Variants in DACH2 observed in about 807,000 individuals in gnomAD.
DACH2 encodes the protein dachshund family transcription factor 2.
Under a neutral mutation model 35.8 loss-of-function variants are expected in DACH2, and 17 were observed. The observed-to-expected ratio is 0.48, with a 90% confidence interval of 0.33 to 0.71. The LOEUF is 0.71. DACH2 is among the 30% of genes least tolerant of loss of function. DACH2 has a pLI of 0.02. For synonymous variants in DACH2, 195 were observed against 177.3 expected (o/e 1.10, Z -0.79); for missense variants, 469 against 472.7 (o/e 0.99, Z 0.07).
chrX:86,810,793 G>A (rs1037253899), intron 7 of DACH2, among the ~76,000 whole-genome samples: 7 of 110,823 alleles, frequency 6.3e-5, no homozygotes, highest in Non-Finnish European at 1.3e-4. Flanking sequence ...CAGAATTTGT[G>A]ATAATGTGCT....
At chrX:86,336,586 A>T (rs919589207) in intron 1 of DACH2, among the ~76,000 whole-genome samples, 1 of 111,725 alleles carries the variant, frequency 9.0e-6, no homozygotes, top group African/African-American at 3.3e-5. Flanking sequence ...CACATCAAAG[A>T]CCAAATGTAG....
intron 11 of DACH2, among the ~76,000 whole-genome samples, chrX:86,826,822 A>G (rs1480393736): frequency 8.9e-6 from 1 of 112,507 alleles, no homozygotes; most frequent in Non-Finnish European, 1.9e-5. Context: ...TTTCTTATTC[A>G]GGTTAGGAAA....
intron 3 of DACH2, among the ~76,000 whole-genome samples, chrX:86,596,396 T>G (rs2039713049): frequency 9.0e-6 from 1 of 111,230 alleles, no homozygotes; most frequent in African/African-American, 3.3e-5. Context: ...GCGTATTTTC[T>G]GATTTTTTCA....
At chrX:86,667,553 A>AAAGAAAGAAAGAAAG (rs2040706465) in intron 4 of DACH2, among the ~76,000 whole-genome samples, 1 of 49,645 alleles carries the variant, frequency 2.0e-5, no homozygotes, top group Non-Finnish European at 3.6e-5. Flanking sequence ...AAGAAGAAAG[A>AAAGAAAGAAAGAAAG]AAGAAAGAAA....
chrX:86,439,895 G>A (rs2037131988), intron 2 of DACH2, among the ~76,000 whole-genome samples: 1 of 111,185 alleles, frequency 9.0e-6, no homozygotes. Flanking sequence ...TTATTTAGAA[G>A]TGTGTTTAAT....
chrX:86,498,211 T>A (rs1289571889), intron 2 of DACH2, among the ~76,000 whole-genome samples: 1 of 111,578 alleles, frequency 9.0e-6, no homozygotes, highest in African/African-American at 3.3e-5. Flanking sequence ...TAGGCCTCTT[T>A]TTTTTTAAAA....
At chrX:86,549,965 A>G (rs1273815202) in intron 3 of DACH2, among the ~76,000 whole-genome samples, 1 of 111,637 alleles carries the variant, frequency 9.0e-6, no homozygotes, top group Non-Finnish European at 1.9e-5. Context: ...AGTTTCTTTG[A>G]AGACTGTTAT....
intron 3 of DACH2, among the ~76,000 whole-genome samples, chrX:86,601,996 T>C (rs2039795503): frequency 8.9e-6 from 1 of 112,239 alleles, no homozygotes; most frequent in Non-Finnish European, 1.9e-5. Flanking sequence ...AATATTTCCA[T>C]CAATCAAAAA....
intron 1 of DACH2, among the ~76,000 whole-genome samples, chrX:86,239,327 T>A (rs1441558537): frequency 2.7e-5 from 3 of 111,436 alleles, no homozygotes; most frequent in Non-Finnish European, 5.6e-5. Flanking sequence ...TCAACATTAT[T>A]AGCATGCAGA....
chrX:86,293,313 A>G (rs1246815594), intron 1 of DACH2, among the ~76,000 whole-genome samples: 1 of 109,816 alleles, frequency 9.1e-6, no homozygotes, highest in East Asian at 2.9e-4. Flanking sequence ...TTTTGAGCCT[A>G]TGTGTCTCTC....
intron 2 of DACH2, among the ~76,000 whole-genome samples, chrX:86,475,566 G>C (rs1489090206): frequency 8.9e-6 from 1 of 112,071 alleles, no homozygotes; most frequent in Admixed American, 9.5e-5. Flanking sequence ...TTGTTTATAA[G>C]TTCTAACAAT....
At chrX:86,437,818 T>C (rs1280833491) in intron 2 of DACH2, among the ~76,000 whole-genome samples, 2 of 110,925 alleles carry the variant, frequency 1.8e-5, no homozygotes, top group Non-Finnish European at 3.8e-5. Context: ...CTGGTAGTTT[T>C]TTTAGTTTTT....
At chrX:86,509,091 A>G (rs1602593502) in intron 2 of DACH2, among the ~76,000 whole-genome samples, 2 of 111,802 alleles carry the variant, frequency 1.8e-5, no homozygotes, top group Middle Eastern at 9.3e-3. Context: ...CCCCTCAACA[A>G]TCTTATGTTA....
At chrX:86,598,305 A>T (rs933699914) in intron 3 of DACH2, among the ~76,000 whole-genome samples, 1 of 111,617 alleles carries the variant, frequency 9.0e-6, no homozygotes, top group Admixed American at 9.5e-5. Context: ...CTGTCCTTAG[A>T]GGAGGCATCC....
intron 7 of DACH2, among the ~76,000 whole-genome samples, chrX:86,807,484 C>A (rs921835621): frequency 9.0e-6 from 1 of 111,698 alleles, no homozygotes; most frequent in East Asian, 2.8e-4. Flanking sequence ...CAAACCCAAG[C>A]AATCAGGCTC....
At chrX:86,263,101 A>G (rs1418848660) in intron 1 of DACH2, 2 of 460,341 alleles carry the variant, frequency 4.3e-6, no homozygotes, top group African/African-American at 5.4e-5. Flanking sequence ...GCTGCAGGAC[A>G]TTATGTAAGG....
At chrX:86,466,315 T>C (rs2037666590) in intron 2 of DACH2, among the ~76,000 whole-genome samples, 1 of 111,136 alleles carries the variant, frequency 9.0e-6, no homozygotes, top group Non-Finnish European at 1.9e-5. Context: ...ATGCAGGAAC[T>C]GTGGGAGTAC....
At chrX:86,358,369 G>T (rs767748324) in intron 1 of DACH2, among the ~76,000 whole-genome samples, 1 of 107,830 alleles carries the variant, frequency 9.3e-6, no homozygotes, top group East Asian at 3.0e-4. Flanking sequence ...TTTTAAGTAC[G>T]ATTCAAAGTA....
chrX:86,551,604 C>T (rs1461385650), intron 3 of DACH2, among the ~76,000 whole-genome samples: 2 of 111,896 alleles, frequency 1.8e-5, no homozygotes, highest in African/African-American at 3.2e-5. Flanking sequence ...TTCCTTGTTA[C>T]GAGTTACATT....
Sources: gnomAD v4.1 joint callset for allele counts (sites outside exome capture counted in the v4.1 genomes callset) on GRCh38, gnomAD v4.1.1 for gene constraint, MANE v1.5 for transcripts, NCBI Gene and HGNC (gene_info 2026-07-23, HGNC 2026-07-21) for gene names.